Variants in GRIN2B observed in about 807,000 individuals in gnomAD.
GRIN2B encodes the protein glutamate ionotropic receptor NMDA type subunit 2B.
Under a neutral mutation model 114.5 loss-of-function variants are expected in GRIN2B, and 5 were observed. The observed-to-expected ratio is 0.04, with a 90% CI of 0.02 to 0.09. The LOEUF is 0.09. GRIN2B is among the 10% of genes least tolerant of loss of function. GRIN2B has a pLI of 1.00. For missense variants in GRIN2B, 1,108 were observed against 1,943.5 expected (o/e 0.57, Z 8.08); for synonymous variants, 787 against 745.1 (o/e 1.06, Z -0.92).
At chr12:13,773,760 G>A (rs566137847) in intron 3 of GRIN2B, among the ~76,000 whole-genome samples, 1 of 152,216 alleles carries the variant, frequency 6.6e-6, no homozygotes, top group South Asian at 2.1e-4. Flanking sequence ...GAAAAATGGT[G>A]GAACATTCCA....
chr12:13,729,331 G>A (rs868417252), intron 4 of GRIN2B, among the ~76,000 whole-genome samples: 2 of 152,084 alleles, frequency 1.3e-5, no homozygotes, highest in African/African-American at 4.8e-5. Flanking sequence ...CAGCTGTTTG[G>A]GTCATCTTTA....
chr12:13,834,304 T>C (rs955695258), intron 3 of GRIN2B, among the ~76,000 whole-genome samples: 1 of 151,408 alleles, frequency 6.6e-6, no homozygotes, highest in Non-Finnish European at 1.5e-5. Flanking sequence ...CCCAAAGTGC[T>C]GTGATGACAG....
At chr12:13,657,193 G>A (rs556082522) in intron 5 of GRIN2B, among the ~76,000 whole-genome samples, 3 of 152,216 alleles carry the variant, frequency 2.0e-5, no homozygotes, top group African/African-American at 7.2e-5. Context: ...GGGAAGTGGA[G>A]CAATAAAACC....
At chr12:13,952,867 T>C (rs1867515812) in intron 2 of GRIN2B, among the ~76,000 whole-genome samples, 1 of 151,818 alleles carries the variant, frequency 6.6e-6, no homozygotes, top group South Asian at 2.1e-4. Flanking sequence ...TGCTGGTCAT[T>C]GGCATTCCAG....
chr12:13,861,595 T>C (rs1865752813), intron 3 of GRIN2B, among the ~76,000 whole-genome samples: 1 of 152,190 alleles, frequency 6.6e-6, no homozygotes, highest in Non-Finnish European at 1.5e-5. Context: ...TACAAGCACC[T>C]AGCAGTTCTT....
intron 5 of GRIN2B, among the ~76,000 whole-genome samples, chr12:13,639,770 C>G (rs2136505753): frequency 6.6e-6 from 1 of 152,094 alleles, no homozygotes; most frequent in Middle Eastern, 3.4e-3. Flanking sequence ...TCTTTCTTAC[C>G]TGTTTATCCT....
chr12:13,796,961 T>C (rs1864427259), intron 3 of GRIN2B, among the ~76,000 whole-genome samples: 1 of 152,204 alleles, frequency 6.6e-6, no homozygotes, highest in Non-Finnish European at 1.5e-5. Flanking sequence ...CCTCTATCTA[T>C]TTAGATTGTG....
intron 4 of GRIN2B, among the ~76,000 whole-genome samples, chr12:13,707,946 G>A (rs1199055519): frequency 2.0e-5 from 3 of 152,006 alleles, no homozygotes; most frequent in Non-Finnish European, 2.9e-5. Context: ...CTCTTGTAGA[G>A]AGCTGATCTG....
Position 13,594,355 on chromosome 12 carries a change from T to A in GRIN2B, c.2010+14248A>T, listed in dbSNP as rs377006696. ...AATACTATGCAGCCATAAAAAAGGA[T>A]CAGTTCATGTCCTTTGCAGGGACAT... On this transcript the variant is annotated intron_variant, in intron 10 of 13. Transcript: ENST00000609686. Among the ~76,000 whole-genome samples, 12 of 152,098 alleles carry A rather than the reference T, an allele frequency of 7.9e-5. No individual in the cohort carries two copies. The East Asian group carries it at 1.5e-3, about 20-fold the overall frequency.
chr12:13,573,569 T>TCG (rs1948734050), intron 10 of GRIN2B, among the ~76,000 whole-genome samples: 1 of 151,834 alleles, frequency 6.6e-6, no homozygotes, highest in African/African-American at 2.4e-5. Context: ...CTCTCTAAGC[T>TCG]TCTTATTCTA....
In GRIN2B at chr12:13,692,760, C is replaced by CTTTTTT. The variant is rs71067718; in HGVS notation, c.1011-16907_1011-16902dup. Among the ~76,000 whole-genome samples the CTTTTTT allele has an allele frequency of 3.6e-3, 186 of 52,022 alleles. 3 individuals carry two copies. Among genetic ancestry groups the CTTTTTT allele is most frequent in the Non-Finnish European group, 4.2e-3 (116 of 27,464 alleles). The allele number at this position is 52,022 out of a possible 152,430, so 34.1% of individuals were successfully genotyped here. ...ACTTATTTTCATTAATCTTTCTTTTCTTTTTTTTTTTTTTTTTTTTTTTTT... is the reference window on the plus strand; with the variant it reads ...ACTTATTTTCATTAATCTTTCTTTTCTTTTTTTTTTTTTTTTTTTTTTTTTTTTTTT... On this transcript the variant is annotated intron_variant, in intron 4 of 13. Transcript: ENST00000609686.
At chr12:13,870,158 C>A (rs1351546154) in intron 2 of GRIN2B, among the ~76,000 whole-genome samples, 1 of 152,088 alleles carries the variant, frequency 6.6e-6, no homozygotes, top group African/African-American at 2.4e-5. Flanking sequence ...GATATAACTC[C>A]CTGAAGATGT....
At chr12:13,809,216 T>A (rs1368171853) in intron 3 of GRIN2B, among the ~76,000 whole-genome samples, 2 of 152,078 alleles carry the variant, frequency 1.3e-5, no homozygotes, top group African/African-American at 4.8e-5. Flanking sequence ...ATATTACCGG[T>A]CTCAGAAAAA....
At chr12:13,816,181 A>AGGT (rs1369812107) in intron 3 of GRIN2B, among the ~76,000 whole-genome samples, 1 of 152,182 alleles carries the variant, frequency 6.6e-6, no homozygotes, top group African/African-American at 2.4e-5. Flanking sequence ...TAGAGATGAC[A>AGGT]GGTCTCTAAA....
intron 3 of GRIN2B, among the ~76,000 whole-genome samples, chr12:13,762,049 G>T (rs1863688833): frequency 6.6e-6 from 1 of 152,084 alleles, no homozygotes; most frequent in Non-Finnish European, 1.5e-5. Context: ...TGTCACCCAG[G>T]CTGGAGTGCA....
chr12:13,626,716 G>C (rs868744815), intron 5 of GRIN2B, among the ~76,000 whole-genome samples: 4 of 151,906 alleles, frequency 2.6e-5, no homozygotes, highest in Middle Eastern at 3.4e-3. Flanking sequence ...GATTCTGGAT[G>C]AGTTCCTTAA....
chr12:13,900,456 CA>C (rs1866427598), intron 2 of GRIN2B, among the ~76,000 whole-genome samples: 1 of 149,872 alleles, frequency 6.7e-6, no homozygotes, highest in African/African-American at 2.5e-5. Context: ...GCCTGGGCAA[CA>C]ACAGTGAAAC....
Position 13,615,033 on chromosome 12 carries a change from C to T in GRIN2B, c.1654+81G>A. On this transcript the variant is annotated intron_variant, in intron 8 of 13. Coordinates refer to ENST00000609686, the MANE Select transcript of GRIN2B (RefSeq NM_000834.5). This position sits in a 1 kb window ranked among gnomAD's most constrained non-coding sequence, Gnocchi z 5.8. ...CAAACCACCTTCTAGCTGGAACAGC[C>T]TGGCCATGTGCTCCTTTTTTCCTTA... 7.8e-7 allele frequency: 1 copy of T among 1,276,582 alleles called. No individual in the cohort carries two copies. Among genetic ancestry groups the T allele is most frequent in the Non-Finnish European group, 1.1e-6 (1 of 872,712 alleles). The allele number at this position is 1,276,582 out of a possible 1,614,324, so 79.1% of individuals were successfully genotyped here. A position where few individuals can be genotyped will look rare whatever the true frequency, so the allele number is the denominator to read the frequency against.
intron 3 of GRIN2B, among the ~76,000 whole-genome samples, chr12:13,755,021 C>A (rs1863553129): frequency 6.6e-6 from 1 of 152,128 alleles, no homozygotes. Context: ...TGATTTCCTC[C>A]TGGGTAATGG....
Sources: gnomAD v4.1 joint callset for allele counts (sites outside exome capture counted in the v4.1 genomes callset) on GRCh38, gnomAD v4.1.1 for gene constraint, Gnocchi (gnomAD v3.1) non-coding constraint, MANE v1.5 for transcripts, NCBI Gene and HGNC (gene_info 2026-07-23, HGNC 2026-07-21) for gene names.